TRIO: variants seen among roughly 807,000 people sequenced by gnomAD.
The protein encoded by TRIO is triple functional domain protein.
TRIO carries 58 observed loss-of-function variants against 351.9 expected under a neutral mutation model. The ratio of observed to expected loss-of-function variants is 0.16; its 90% CI spans 0.13 to 0.21. TRIO has a LOEUF of 0.21. Ranked by LOEUF, TRIO falls within the 10% of genes least tolerant of loss-of-function variation. The pLI, the probability that TRIO is intolerant of heterozygous loss-of-function variation, is 1.00. For missense variants in TRIO, 3,201 were observed against 4,027.8 expected (o/e 0.79, Z 5.56); for synonymous variants, 1,758 against 1,595.7 (o/e 1.10, Z -2.42).
intron 1 of TRIO, among the ~76,000 whole-genome samples, chr5:14,262,382 C>A (rs1795401030): frequency 6.6e-6 from 1 of 151,822 alleles, no homozygotes; most frequent in Admixed American, 6.6e-5. Flanking sequence ...GGCTTCCCTG[C>A]AGGTAATTGC....
At chr5:14,209,349 A>G (rs992471746) in intron 1 of TRIO, among the ~76,000 whole-genome samples, 6 of 152,248 alleles carry the variant, frequency 3.9e-5, no homozygotes, top group African/African-American at 1.4e-4. Flanking sequence ...CGTTTTAGAC[A>G]TACATAGAAG....
intron 20 of TRIO, 33 bp from the exon 21 acceptor site, chr5:14,381,097 C>T (rs752998627): frequency 1.2e-6 from 2 of 1,601,238 alleles, no homozygotes; most frequent in Non-Finnish European, 1.7e-6. Flanking sequence ...GAATGTGTAG[C>T]CCTCTGACTC....
At position 14,387,844 on chromosome 5, in the gene TRIO, A is replaced by G; in HGVS notation, c.3878A>G (p.Lys1293Arg). ...NEEKRKSARR[K>R]EFIMAELIQT... ...GAGAAGCGGAAATCTGCCCGCAGGA[A>G]AGAGTAAGCCAGTCTTTCAGAATCT... The change falls in exon 23 of 57, where the codon AAA becomes AGA. Residue 1293 changes from lysine to arginine, a missense_variant. Lys to Arg is a conservative substitution (Grantham distance 26). Transcript: ENST00000344204. 1 of 1,613,850 alleles carries G rather than the reference A, an allele frequency of 6.2e-7. No individual in the cohort carries two copies. Among genetic ancestry groups the G allele is most frequent in the Non-Finnish European group, 8.5e-7 (1 of 1,179,882 alleles).
chr5:14,258,654 C>T (rs947362631), intron 1 of TRIO, among the ~76,000 whole-genome samples: 6 of 152,224 alleles, frequency 3.9e-5, no homozygotes, highest in Admixed American at 6.5e-5. Context: ...GGAAGAGCTT[C>T]GTCTGCCTCT....
chr5:14,350,500 C>T (rs1242401693), intron 11 of TRIO, among the ~76,000 whole-genome samples: 1 of 152,088 alleles, frequency 6.6e-6, no homozygotes, highest in African/African-American at 2.4e-5. Context: ...AGCTTTGGCC[C>T]CAGGTTAGTC....
intron 25 of TRIO, 146 bp from the exon 26 acceptor site, chr5:14,390,085 T>C: frequency 1.5e-6 from 1 of 688,274 alleles, no homozygotes; most frequent in East Asian, 2.8e-5. Context: ...GCTAGCTGTT[T>C]GAAAGTCACA....
At chr5:14,368,388 A>G (rs1262420513) in intron 16 of TRIO, among the ~76,000 whole-genome samples, 3 of 152,198 alleles carry the variant, frequency 2.0e-5, no homozygotes, top group Non-Finnish European at 4.4e-5. Context: ...TAAACTTGGA[A>G]CATTTCAACC....
Position 14,406,786 on chromosome 5 carries a change from T to TA in TRIO, c.4959+115dup, listed in dbSNP as rs1433768290. The TA allele has an allele frequency of 1.0e-5, 11 of 1,057,004 alleles. No homozygotes were observed. The Admixed American group carries it at 2.2e-4, about 21-fold the overall frequency. 65.5% of individuals were successfully genotyped at this position (1,057,004 alleles called of 1,614,324 possible). ...GTCATCAACATTTTCAAGCAGTTGA[T>TA]ACGTGCCAGGAGTGGTGCCAGGATC... On this transcript the variant is annotated intron_variant, in intron 33 of 56. Coordinates refer to ENST00000344204, the MANE Select transcript of TRIO (RefSeq NM_007118.4).
In TRIO at chr5:14,480,970, TA is replaced by T. The variant is rs904592920; in HGVS notation, c.6337-253del. On this transcript the variant is annotated intron_variant, in intron 43 of 56. Transcript: ENST00000344204. The stretch of plus-strand genomic sequence containing the variant: ...ACAACATAGTGAGAGCTTGTCTATT[TA>T]AAAAAAAAAATTCTTTCAGAACTAA... Among the ~76,000 whole-genome samples the T allele has an allele frequency of 3.6e-4, 54 of 148,408 alleles. No homozygotes were observed. In the East Asian group the frequency reaches 4.3e-3, roughly 12 times the overall value.
chr5:14,478,979 A>C (rs527280067), intron 41 of TRIO, among the ~76,000 whole-genome samples: 1 of 151,738 alleles, frequency 6.6e-6, no homozygotes, highest in African/African-American at 2.4e-5. Context: ...ACAACAACAA[A>C]AAAATGTTCT....
rs1746837695 is a variant in TRIO at position 14,389,289 on chromosome 5, A to G, written c.3949A>G (p.Thr1317Ala). Reference protein sequence around the residue: ...YVRDLRECMDTYLWEMTSGVE... With the variant: ...YVRDLRECMDAYLWEMTSGVE... ...TAATCCCTGTTTCCCTCTCGGCTAG[A>G]CGTACCTGTGGGAAATGACCAGTGG... The change falls in exon 25 of 57, where the codon ACG (threonine) becomes GCG (alanine). Residue 1317 changes from threonine to alanine, a missense_variant and splice_region_variant. This residue lies in a region of TRIO where 115 missense variants were observed against 239.6 expected (regional missense o/e 0.48). Transcript: ENST00000344204. The G allele has an allele frequency of 6.2e-7, 1 of 1,606,956 alleles. No homozygotes were observed. Among genetic ancestry groups the G allele is most frequent in the African/African-American group, 1.3e-5 (1 of 74,412 alleles).
Position 14,488,291 on chromosome 5 carries a change from G to GC in TRIO, c.7632+37dup, listed in dbSNP as rs1561550439. ...CGCGTCGGGGGGCCCGCGCCCTCCC[G>GC]CCCCCCTGCCTCTGTCCCGCCAGCT... On this transcript the variant is annotated intron_variant, in intron 48 of 56. Transcript: ENST00000344204. The GC allele has an allele frequency of 6.1e-6, 7 of 1,141,414 alleles. No individual in the cohort carries two copies. The South Asian group carries it at 7.9e-5, about 13-fold the overall frequency. 70.7% of individuals were successfully genotyped at this position (1,141,414 alleles called of 1,614,324 possible).
At chr5:14,464,772 A>G (rs1476467371) in intron 36 of TRIO, among the ~76,000 whole-genome samples, 1 of 152,176 alleles carries the variant, frequency 6.6e-6, no homozygotes, top group Non-Finnish European at 1.5e-5. Flanking sequence ...ATATGAAGCA[A>G]GGTTCATATT....
At chr5:14,196,216 G>A (rs1181132941) in intron 1 of TRIO, among the ~76,000 whole-genome samples, 1 of 152,124 alleles carries the variant, frequency 6.6e-6, no homozygotes, top group Non-Finnish European at 1.5e-5. Context: ...GAGATCAGGA[G>A]TGTGAGACCG....
Position 14,336,800 on chromosome 5 carries a change from T to G in TRIO, c.2046+73T>G. On this transcript the variant is annotated intron_variant, in intron 11 of 56. Transcript: ENST00000344204. ...TGAACTCTTTTGGAGGAACCTAAAT[T>G]TAGTCATAATGTGAGAAAGTGGACA... The G allele has an allele frequency of 2.6e-6, 4 of 1,522,710 alleles. No individual in the cohort carries two copies. The South Asian group carries it at 3.5e-5, about 14-fold the overall frequency. The allele number at this position is 1,522,710 out of a possible 1,614,324, so 94.3% of individuals were successfully genotyped here. A position where few individuals can be genotyped will look rare whatever the true frequency, so the allele number is the denominator to read the frequency against.
At chr5:14,226,335 A>G (rs407517) in intron 1 of TRIO, among the ~76,000 whole-genome samples, 132,571 of 152,260 alleles carry the variant, frequency 0.87, 57,892 homozygotes, top group East Asian at 0.99. Context: ...ACAGCCTTGC[A>G]AGCCCTGCTA....
chr5:14,294,023 T>A (rs2401893), intron 6 of TRIO, among the ~76,000 whole-genome samples: 5,599 of 18,756 alleles, frequency 0.3, 377 homozygotes, highest in African/African-American at 0.51. Context: ...AAAAAAAAAA[T>A]AATAATTAAA....
At chr5:14,387,666 GTCT>G (rs1211375227) in intron 22 of TRIO, 34 bp downstream of exon 22, 4 of 1,608,890 alleles carry the variant, frequency 2.5e-6, no homozygotes, top group South Asian at 1.1e-5. Flanking sequence ...ATAAATTATG[GTCT>G]TCTTCCTAAC....
rs756167238 is a variant in TRIO at position 14,389,324 on chromosome 5, G to A, written c.3984G>A (p.Glu1328=). The change falls in exon 25 of 57, where the codon GAG becomes GAA. Residue 1328 remains glutamate, a synonymous_variant. Transcript: ENST00000344204. Reference sequence around the variant, plus strand: ...GGGAAATGACCAGTGGCGTGGAAGAGATTCCACCTGGCATTGTAAACAAAG... The same window carrying A: ...GGGAAATGACCAGTGGCGTGGAAGAAATTCCACCTGGCATTGTAAACAAAG... ...YLWEMTSGVE[E]IPPGIVNKEL... is the part of the protein sequence containing the mutation. The A allele has an allele frequency of 1.2e-5, 19 of 1,612,672 alleles. No homozygotes were observed. In the South Asian group the frequency reaches 1.9e-4, roughly 16 times the overall value.
Sources: allele counts gnomAD v4.1 joint callset (sites outside exome capture counted in the v4.1 genomes callset), GRCh38; gene constraint gnomAD v4.1.1; regional missense constraint gnomAD v4.1.1; transcripts MANE v1.5; gene names NCBI Gene and HGNC (gene_info 2026-07-23, HGNC 2026-07-21).